RTTN: variants seen among roughly 807,000 people sequenced by gnomAD.
RTTN encodes the protein rotatin.
Under a neutral mutation model 269.2 loss-of-function variants are expected in RTTN, and 182 were observed. That is an observed-to-expected ratio of 0.68 (90% CI 0.60 to 0.76). The LOEUF is 0.76. RTTN is among the 30% of genes least tolerant of loss of function. The probability of loss-of-function intolerance (pLI) is 0.00; values close to 1 mark genes in which losing one functional copy is unlikely to be tolerated. For synonymous variants in RTTN, 1,006 were observed against 963.5 expected (o/e 1.04, Z -0.82); for missense variants, 2,545 against 2,608.6 (o/e 0.98, Z 0.53).
chr18:70,181,672 AT>A (rs989262935), intron 10 of RTTN, among the ~76,000 whole-genome samples: 1 of 152,126 alleles, frequency 6.6e-6, no homozygotes, highest in African/African-American at 2.4e-5. Context: ...AACATTTATT[AT>A]TTTGTTCCTT....
At position 70,193,881 on chromosome 18, in the gene RTTN, G is replaced by A. The variant is rs530385263; in HGVS notation, c.842-428C>T. The stretch of plus-strand genomic sequence containing the variant: ...CTTCATGACCTTGAATTTGGCAATC[G>A]ATTGTTAACTATGACATCGAAAGCA... On this transcript the variant is annotated intron_variant, in intron 7 of 48. Coordinates refer to ENST00000640769, the MANE Select transcript of RTTN (RefSeq NM_173630.4). Among the ~76,000 whole-genome samples, 23 of 152,278 alleles carry A rather than the reference G, an allele frequency of 1.5e-4. 1 individual carries two copies. The South Asian group carries it at 2.9e-3, about 19-fold the overall frequency.
intron 26 of RTTN, among the ~76,000 whole-genome samples, chr18:70,117,502 G>GT (rs1433692403): frequency 6.6e-6 from 1 of 151,980 alleles, no homozygotes; most frequent in Non-Finnish European, 1.5e-5. Context: ...TATAACACTT[G>GT]TGGTGATAAT....
intron 17 of RTTN, among the ~76,000 whole-genome samples, chr18:70,148,281 A>G (rs540165212): frequency 3.3e-4 from 51 of 152,292 alleles, no homozygotes; most frequent in Non-Finnish European, 5.6e-4. Context: ...GGAAAATCTA[A>G]CCACTGTTAC....
intron 14 of RTTN, among the ~76,000 whole-genome samples, chr18:70,165,366 C>A (rs2145900401): frequency 6.6e-6 from 1 of 151,674 alleles, no homozygotes; most frequent in East Asian, 1.9e-4. Context: ...AGAATATACA[C>A]CAGCTGTGTA....
intron 40 of RTTN, among the ~76,000 whole-genome samples, chr18:70,043,873 C>T (rs1276941302): frequency 2.0e-5 from 3 of 152,200 alleles, no homozygotes; most frequent in Non-Finnish European, 4.4e-5. Flanking sequence ...AGCATCACTG[C>T]AAAGAGCAAG....
chr18:70,132,459 T>C (rs2060021545), intron 23 of RTTN, among the ~76,000 whole-genome samples: 1 of 150,938 alleles, frequency 6.6e-6, no homozygotes, highest in South Asian at 2.1e-4. Context: ...TTTTCTAATG[T>C]CAATATTTAG....
At chr18:70,090,627 A>G (rs1434837177) in intron 30 of RTTN, among the ~76,000 whole-genome samples, 3 of 152,172 alleles carry the variant, frequency 2.0e-5, no homozygotes, top group African/African-American at 4.8e-5. Flanking sequence ...GAAAAGAATG[A>G]CCCAAAAAAT....
intron 39 of RTTN, among the ~76,000 whole-genome samples, chr18:70,048,658 T>C (rs561495635): frequency 6.6e-6 from 1 of 152,220 alleles, no homozygotes; most frequent in Non-Finnish European, 1.5e-5. Context: ...TAAAAATTTT[T>C]ACTTAGATTT....
intron 20 of RTTN, 75 bp from the exon 21 acceptor site, chr18:70,139,791 C>G: frequency 1.2e-6 from 1 of 864,988 alleles, no homozygotes; most frequent in Non-Finnish European, 1.9e-6. Flanking sequence ...ATAATATTAT[C>G]TTACTCTAAA....
intron 10 of RTTN, among the ~76,000 whole-genome samples, chr18:70,177,754 C>A (rs2061336797): frequency 6.6e-6 from 1 of 152,042 alleles, no homozygotes; most frequent in South Asian, 2.1e-4. Flanking sequence ...ATACAGGGAA[C>A]AACTAAAAGG....
chr18:70,201,480 C>T (rs1194298524), intron 4 of RTTN, among the ~76,000 whole-genome samples: 15 of 149,996 alleles, frequency 1.0e-4, no homozygotes, highest in African/African-American at 3.2e-4. Context: ...TAGTGGCGGG[C>T]GCCTGTAGTC....
At chr18:70,072,031 C>T (rs2058309383) in intron 34 of RTTN, among the ~76,000 whole-genome samples, 1 of 152,100 alleles carries the variant, frequency 6.6e-6, no homozygotes, top group Non-Finnish European at 1.5e-5. Context: ...ATGCCTTGGT[C>T]GAAGTACTGA....
chr18:70,057,922 C>T lies in RTTN; in HGVS notation c.4941-90G>A, dbSNP rs1356051482. ...ATCAGAATTTGAAGTTTAAAGGTAACTCGAATACAATTCAAGAGAAAGGAT... is the reference window on the plus strand; with the variant it reads ...ATCAGAATTTGAAGTTTAAAGGTAATTCGAATACAATTCAAGAGAAAGGAT... On this transcript the variant is annotated intron_variant, in intron 36 of 48. Transcript: ENST00000640769. 4.9e-6 allele frequency: 4 copies of T among 821,894 alleles called. No individual in the cohort carries two copies. The African/African-American group carries it at 5.2e-5, about 11-fold the overall frequency. The allele number at this position is 821,894 out of a possible 1,614,324, so 50.9% of individuals were successfully genotyped here.
chr18:70,006,747 T>G, intron 46 of RTTN: 1 of 390,166 alleles, frequency 2.6e-6, no homozygotes, highest in Non-Finnish European at 4.7e-6. Context: ...AAAGGCACAT[T>G]CATTTAAAGA....
intron 27 of RTTN, among the ~76,000 whole-genome samples, chr18:70,113,899 A>G (rs994265508): frequency 1.3e-5 from 2 of 152,170 alleles, no homozygotes; most frequent in Non-Finnish European, 2.9e-5. Flanking sequence ...ATGTGTGAAT[A>G]GGGAGAGACT....
intron 11 of RTTN, among the ~76,000 whole-genome samples, chr18:70,171,271 G>A (rs969544615): frequency 6.6e-6 from 1 of 152,204 alleles, no homozygotes; most frequent in African/African-American, 2.4e-5. Context: ...TAGCAAAGGC[G>A]ATTTACACTG....
intron 10 of RTTN, among the ~76,000 whole-genome samples, chr18:70,184,720 G>GTT (rs2061503019): frequency 3.9e-5 from 1 of 25,962 alleles, no homozygotes; most frequent in African/African-American, 7.2e-5. Context: ...TTTTTTTTGT[G>GTT]TGTGTGTGTG....
At chr18:70,141,948 C>T (rs1454917316) in intron 19 of RTTN, among the ~76,000 whole-genome samples, 1 of 152,060 alleles carries the variant, frequency 6.6e-6, no homozygotes, top group Non-Finnish European at 1.5e-5. Context: ...ATTGGAAGTA[C>T]ACTAATATTT....
intron 43 of RTTN, among the ~76,000 whole-genome samples, chr18:70,026,665 C>T (rs1157442410): frequency 6.6e-6 from 1 of 152,164 alleles, no homozygotes; most frequent in East Asian, 1.9e-4. Context: ...CTAATGCAAT[C>T]TCCAAATTCC....
Sources: gnomAD v4.1 joint callset for allele counts (sites outside exome capture counted in the v4.1 genomes callset) on GRCh38, gnomAD v4.1.1 for gene constraint, MANE v1.5 for transcripts, NCBI Gene and HGNC (gene_info 2026-07-23, HGNC 2026-07-21) for gene names.